The following MEN1 variants were observed in gnomAD, a reference collection of about 807,000 sequenced individuals.
MEN1 encodes the protein menin 1.
Under a neutral mutation model 58.0 loss-of-function variants are expected in MEN1, and 6 were observed. That is an observed-to-expected ratio of 0.10 (90% CI 0.06 to 0.20). The LOEUF is 0.20. Among genes scored for constraint, MEN1 ranks in the 10% least tolerant of loss-of-function variants. The pLI is 1.00. For synonymous variants in MEN1, 346 were observed against 350.7 expected, an observed-to-expected ratio of 0.99 and a Z score of 0.15; for missense variants, 492 against 818.5, an observed-to-expected ratio of 0.60 and a Z score of 4.87.
At chr11:64,810,308 C>A (rs1942045910) in intron 1 of MEN1, 176 bp from the exon 2 acceptor site, 5 of 600,176 alleles carry the variant, frequency 8.3e-6, no homozygotes, top group Non-Finnish European at 1.5e-5. Context: ...TCAGCCGAGA[C>A]TGCAGAGCCT....
chr11:64,806,940 T>A, intron 6 of MEN1, 71 bp downstream of exon 6: 1 of 1,370,492 alleles, frequency 7.3e-7, no homozygotes, highest in South Asian at 1.2e-5. Flanking sequence ...TCTTCTCATC[T>A]GCCCAGATGA....
chr11:64,810,267 C>A, intron 1 of MEN1, 135 bp from the exon 2 acceptor site: 1 of 627,944 alleles, frequency 1.6e-6, no homozygotes, highest in East Asian at 2.7e-5. Flanking sequence ...CCTCTGCTCA[C>A]CGGCTTCCCC....
chr11:64,806,854 C>T (rs1303564060), intron 6 of MEN1, among the ~76,000 whole-genome samples, 157 bp downstream of exon 6: 1 of 152,204 alleles, frequency 6.6e-6, no homozygotes, highest in Non-Finnish European at 1.5e-5. Context: ...CTCAGACAGC[C>T]CTGACTGAAC....
At chr11:64,808,133 C>T (rs2136161174) in intron 2 of MEN1, 34 bp from the exon 3 acceptor site, 3 of 1,564,524 alleles carry the variant, frequency 1.9e-6, no homozygotes, top group South Asian at 1.2e-5. Context: ...AGAGGGTCCT[C>T]TGTGCTTTAA....
intron 2 of MEN1, among the ~76,000 whole-genome samples, chr11:64,808,946 C>G (rs11231873): frequency 9.0e-6 from 1 of 110,582 alleles, no homozygotes; most frequent in Non-Finnish European, 2.0e-5. Context: ...CAGAGTGAGA[C>G]GCCGTCTGAA....
Position 64,807,766 on chromosome 11 carries a change from C to T in MEN1, c.655-86G>A. On this transcript the variant is annotated intron_variant, in intron 3 of 9. Coordinates refer to ENST00000450708, the MANE Select transcript of MEN1 (RefSeq NM_001370259.2). The surrounding 1 kb of genome is among the most constrained non-coding windows in gnomAD (Gnocchi z 4.9). ...ATGACAGCCAGGAAAAGGGGCTCTTCTGTCTTCCCTTCCTATGTGGGTGGT... is the reference window on the plus strand; with the variant it reads ...ATGACAGCCAGGAAAAGGGGCTCTTTTGTCTTCCCTTCCTATGTGGGTGGT... 2 of 1,610,896 alleles carry T rather than the reference C, an allele frequency of 1.2e-6. No individual in the cohort carries two copies. Among genetic ancestry groups the T allele is most frequent in the Non-Finnish European group, 1.7e-6 (2 of 1,177,812 alleles).
intron 8 of MEN1, 30 bp from the exon 9 acceptor site, chr11:64,805,228 C>G (rs1044410449): frequency 6.2e-7 from 1 of 1,609,558 alleles, no homozygotes; most frequent in Non-Finnish European, 8.5e-7. Flanking sequence ...GGGCACAGAT[C>G]AGTCTCTTAC....
Position 64,803,717 on chromosome 11 carries a change from G to A in MEN1, c.*617C>T, listed in dbSNP as rs1941430155. ...CTCTGATCCGGGGCCAGTTTCGTCAGGAAGAGGGCGGGGCTCAGGATGCTC... is the reference window on the plus strand; with the variant it reads ...CTCTGATCCGGGGCCAGTTTCGTCAAGAAGAGGGCGGGGCTCAGGATGCTC... On this transcript the variant is annotated 3_prime_UTR_variant, in exon 10 of 10. Transcript: ENST00000450708. 1 of 242,412 alleles carries A rather than the reference G, an allele frequency of 4.1e-6. No individual in the cohort carries two copies. The highest frequency in any genetic ancestry group is 8.2e-6 in the Non-Finnish European group (1 of 122,546). 15.0% of individuals were successfully genotyped at this position (242,412 alleles called of 1,614,324 possible). A position where few individuals can be genotyped will look rare whatever the true frequency, so the allele number is the denominator to read the frequency against.
rs1565641403 is a variant in MEN1, at chr11:64,805,223, C to T, written c.1186-25G>A. 5 of 1,611,192 alleles carry T rather than the reference C, an allele frequency of 3.1e-6. No individual in the cohort carries two copies. The East Asian group carries it at 1.1e-4, about 36-fold the overall frequency. On this transcript the variant is annotated intron_variant, in intron 8 of 9. Coordinates refer to ENST00000450708, the MANE Select transcript of MEN1 (RefSeq NM_001370259.2). Reference sequence around the variant, plus strand: ...CCTGGACGAGGGGGAAGGGAGGGCACAGATCAGTCTCTTACTCACCCCTTA... The same window carrying T: ...CCTGGACGAGGGGGAAGGGAGGGCATAGATCAGTCTCTTACTCACCCCTTA...
At position 64,803,991 on chromosome 11, in the gene MEN1, G is replaced by A. The variant is rs573165205; in HGVS notation, c.*343C>T. The A allele has an allele frequency of 1.3e-4, 57 of 431,828 alleles. 1 individual carries two copies. In the South Asian group the frequency reaches 1.3e-3, roughly 10 times the overall value. 26.7% of individuals were successfully genotyped at this position (431,828 alleles called of 1,614,324 possible). A position where few individuals can be genotyped will look rare whatever the true frequency, so the allele number is the denominator to read the frequency against. ...GCTCCTACAAGCTGGGAGGAGCCCTGAGTAACGTTGGTCTGGCTCTAGGTG... is the reference window on the plus strand; with the variant it reads ...GCTCCTACAAGCTGGGAGGAGCCCTAAGTAACGTTGGTCTGGCTCTAGGTG... On this transcript the variant is annotated 3_prime_UTR_variant, in exon 10 of 10. Transcript: ENST00000450708.
intron 2 of MEN1, among the ~76,000 whole-genome samples, chr11:64,808,672 G>GC (rs1192878952): frequency 2.0e-5 from 3 of 152,190 alleles, no homozygotes; most frequent in Non-Finnish European, 4.4e-5. Context: ...TTGACCAGGT[G>GC]CGGTGGCTCA....
At chr11:64,805,532 C>T in intron 8 of MEN1, 103 bp downstream of exon 8, 2 of 1,457,550 alleles carry the variant, frequency 1.4e-6, no homozygotes, top group Non-Finnish European at 9.4e-7. Flanking sequence ...GGGCCACCTT[C>T]CTCCTGCCAT....
In MEN1 at chr11:64,803,914, C is replaced by A. The variant is rs918625400; in HGVS notation, c.*420G>T. ...CTCCTAGGGGCTGAGTGGTCCTAGG[C>A]TCCCGGGCTGGAGGTGGGACCTGTG... On this transcript the variant is annotated 3_prime_UTR_variant, in exon 10 of 10. Transcript: ENST00000450708. 6.0e-6 allele frequency: 2 copies of A among 334,606 alleles called. No homozygotes were observed. Among genetic ancestry groups the A allele is most frequent in the Non-Finnish European group, 1.1e-5 (2 of 177,154 alleles). 20.7% of individuals were successfully genotyped at this position (334,606 alleles called of 1,614,324 possible). A position where few individuals can be genotyped will look rare whatever the true frequency, so the allele number is the denominator to read the frequency against.
chr11:64,806,673 C>T (rs1941752584), intron 6 of MEN1, among the ~76,000 whole-genome samples: 1 of 149,074 alleles, frequency 6.7e-6, no homozygotes, highest in Non-Finnish European at 1.5e-5. Flanking sequence ...AGCCCAATGG[C>T]CCTCCTCCCC....
intron 2 of MEN1, among the ~76,000 whole-genome samples, chr11:64,809,240 G>A (rs1680394041): frequency 6.7e-6 from 1 of 149,546 alleles, no homozygotes; most frequent in African/African-American, 2.5e-5. Context: ...CTCCAGCCTG[G>A]GGGACAGAGT....
Position 64,809,710 on chromosome 11 carries a change from A to G in MEN1, c.400T>C (p.Phe134Leu), listed in dbSNP as rs2136179803. The change falls in exon 2 of 10, where the codon TTC (phenylalanine) becomes CTC (leucine). Residue 134 changes from phenylalanine to leucine, a missense_variant. Physicochemically the swap from Phe to Leu is conservative, Grantham distance 22 (BLOSUM62 0). This residue lies in a region of MEN1 where 335 missense variants were observed against 550.3 expected (regional missense o/e 0.61). Transcript: ENST00000450708. Reference protein sequence around the residue: ...VIWNSLSRSYFKDRAHIQSLF... With the variant: ...VIWNSLSRSYLKDRAHIQSLF... ...GACTGGATGTGGGCCCGATCCTTGA[A>G]GTAGGAGCGGCTGAGGCTGTTCCAT... 6.2e-7 allele frequency: 1 copy of G among 1,614,202 alleles called. No homozygotes were observed. Among genetic ancestry groups the G allele is most frequent in the South Asian group, 1.1e-5 (1 of 91,080 alleles).
chr11:64,810,947 C>T (rs1942077256), upstream of MEN1: 1 of 152,148 alleles, frequency 6.6e-6, no homozygotes, highest in Admixed American at 6.6e-5. Context: ...ATGAGAAAAA[C>T]AGATACTTTT....
Position 64,810,344 on chromosome 11 carries a change from C to T in MEN1, c.-24+170G>A, listed in dbSNP as rs1942048469. 18 of 576,458 alleles carry T rather than the reference C, an allele frequency of 3.1e-5. No homozygotes were observed. In the South Asian group the frequency reaches 3.4e-4, roughly 11 times the overall value. 35.7% of individuals were successfully genotyped at this position (576,458 alleles called of 1,614,324 possible). A position where few individuals can be genotyped will look rare whatever the true frequency, so the allele number is the denominator to read the frequency against. Reference sequence around the variant, plus strand: ...TTTTGTCCCCCACAATTCCGGGACGCCCGGTACCCGATGGGGTGCGCCCCA... The same window carrying T: ...TTTTGTCCCCCACAATTCCGGGACGTCCGGTACCCGATGGGGTGCGCCCCA... On this transcript the variant is annotated intron_variant, in intron 1 of 9. Coordinates refer to ENST00000450708, the MANE Select transcript of MEN1 (RefSeq NM_001370259.2).
rs1208267598 is a variant in MEN1 at position 64,809,701 on chromosome 11, G to C, written c.409C>G (p.Arg137Gly). Residue 137 changes from arginine to glycine, a missense_variant, in exon 2 of 10, where the codon CGG (arginine) becomes GGG (glycine). Arg to Gly is a moderately radical substitution (Grantham distance 125). This residue lies in a region of MEN1 where 335 missense variants were observed against 550.3 expected (regional missense o/e 0.61). Transcript: ENST00000450708. Reference protein sequence around the residue: ...NSLSRSYFKDRAHIQSLFSFI... With the variant: ...NSLSRSYFKDGAHIQSLFSFI... ...CTGAAGAGGGACTGGATGTGGGCCC[G>C]ATCCTTGAAGTAGGAGCGGCTGAGG... The C allele has an allele frequency of 6.2e-7, 1 of 1,614,176 alleles. No homozygotes were observed. The highest frequency in any genetic ancestry group is 8.5e-7 in the Non-Finnish European group (1 of 1,180,024).
Sources: allele counts gnomAD v4.1 joint callset (sites outside exome capture counted in the v4.1 genomes callset), GRCh38; gene constraint gnomAD v4.1.1; regional missense constraint gnomAD v4.1.1; non-coding constraint Gnocchi (gnomAD v3.1); transcripts MANE v1.5; gene names NCBI Gene and HGNC (gene_info 2026-07-23, HGNC 2026-07-21).